The following SCN10A variants were observed in gnomAD, a reference collection of about 807,000 sequenced individuals.
SCN10A encodes the protein sodium channel protein type 10 subunit alpha.
Under a neutral mutation model 170.7 loss-of-function variants are expected in SCN10A, and 162 were observed. That is an observed-to-expected ratio of 0.95 (90% CI 0.84 to 1.08). SCN10A has a LOEUF of 1.08. SCN10A is among the 50% of genes least tolerant of loss of function. The pLI is 0.00. For synonymous variants in SCN10A, 985 were observed against 904.6 expected (o/e 1.09, Z -1.59); for missense variants, 2,527 against 2,436.9 (o/e 1.04, Z -0.78).
At chr3:38,702,157 A>G in intron 26 of SCN10A, 48 bp from the exon 27 acceptor site, 2 of 1,512,172 alleles carry the variant, frequency 1.3e-6, no homozygotes, top group Non-Finnish European at 1.8e-6. Context: ...GCCAGCACAA[A>G]CCAGGCATCT....
intron 1 of SCN10A, among the ~76,000 whole-genome samples, chr3:38,812,989 T>G (rs1182171570): frequency 6.6e-6 from 1 of 152,088 alleles, no homozygotes; most frequent in Non-Finnish European, 1.5e-5. Flanking sequence ...GCTGAGATTG[T>G]GCCACTGCAC....
intron 10 of SCN10A, 108 bp from the exon 11 acceptor site, chr3:38,756,066 C>A: frequency 8.1e-7 from 1 of 1,237,362 alleles, no homozygotes. Context: ...AACAGAGAAG[C>A]TGAAGGGTTA....
At chr3:38,739,798 T>A in intron 14 of SCN10A, 110 bp from the exon 15 acceptor site, 1 of 896,282 alleles carries the variant, frequency 1.1e-6, no homozygotes, top group South Asian at 1.8e-5. Context: ...TCCTTTTGTT[T>A]TGTTCAGTTG....
In SCN10A at chr3:38,742,293, T is replaced by G; in HGVS notation, c.2104A>C (p.Ile702Leu). 1 of 1,604,246 alleles carries G rather than the reference T, an allele frequency of 6.2e-7. No individual in the cohort carries two copies. The highest frequency in any genetic ancestry group is 8.5e-7 in the Non-Finnish European group (1 of 1,174,364). The change falls in exon 14 of 28, where the codon ATC becomes CTC. Residue 702 changes from isoleucine (I) to leucine (L), a missense_variant and splice_region_variant. Coordinates refer to ENST00000449082, the MANE Select transcript of SCN10A (RefSeq NM_006514.4). Reference protein sequence around the residue: ...TFEAMLQIGNIVFTIFFTAEM... With the variant: ...TFEAMLQIGNLVFTIFFTAEM... ...GCAGTACCAGCCAGAGCACTCACGA[T>G]GTTGCCTATCTGGAGCATGGCTTCG...
Position 38,723,491 on chromosome 3 carries a change from G to T in SCN10A, c.3291C>A (p.Ile1097=). 6.2e-7 allele frequency: 1 copy of T among 1,613,898 alleles called. No individual in the cohort carries two copies. Among genetic ancestry groups the T allele is most frequent in the Non-Finnish European group, 8.5e-7 (1 of 1,179,880 alleles). ...STVDCLDPEE[I]LRKIPELADD... Reference sequence around the variant, plus strand: ...CTGCCAGCTCAGGGATCTTCCTCAGGATTTCCTCAGGATCTAGGCAGTCCA... The same window carrying T: ...CTGCCAGCTCAGGGATCTTCCTCAGTATTTCCTCAGGATCTAGGCAGTCCA... Residue 1097 remains isoleucine, a synonymous_variant, in exon 19 of 28, where the codon ATC becomes ATA. Coordinates refer to ENST00000449082, the MANE Select transcript of SCN10A (RefSeq NM_006514.4).
intron 4 of SCN10A, among the ~76,000 whole-genome samples, chr3:38,777,125 C>T (rs553047061): frequency 1.2e-3 from 186 of 152,078 alleles, no homozygotes; most frequent in African/African-American, 4.3e-3. Flanking sequence ...TGCTCACTGT[C>T]ATAGCTTTGA....
intron 1 of SCN10A, among the ~76,000 whole-genome samples, chr3:38,799,389 C>A (rs2064358659): frequency 6.6e-6 from 1 of 152,158 alleles, no homozygotes; most frequent in Non-Finnish European, 1.5e-5. Flanking sequence ...ATGTGTTCTG[C>A]AGAATTTGTA....
intron 13 of SCN10A, among the ~76,000 whole-genome samples, chr3:38,743,740 T>C (rs1348521953): frequency 2.0e-5 from 3 of 152,204 alleles, no homozygotes; most frequent in African/African-American, 7.2e-5. Context: ...CCCTTTTCCT[T>C]TCCTGCTTGT....
At position 38,771,384 on chromosome 3, in the gene SCN10A, G is replaced by A. The variant is rs1208664844; in HGVS notation, c.494C>T (p.Thr165Ile). 1.2e-6 allele frequency: 2 copies of A among 1,613,980 alleles called. No homozygotes were observed. Among genetic ancestry groups the A allele is most frequent in the Non-Finnish European group, 1.7e-6 (2 of 1,179,984 alleles). Residue 165 changes from threonine to isoleucine, a missense_variant, in exon 5 of 28, where the codon ACC (threonine) becomes ATC (isoleucine). By Grantham distance (89) the Thr-to-Ile change is moderately conservative (BLOSUM62 -1). Coordinates refer to ENST00000449082, the MANE Select transcript of SCN10A (RefSeq NM_006514.4). The stretch of plus-strand genomic sequence containing the variant: ...CAGTATCTTTATCAAGGCTTCAAAG[G>A]TGTAAATGACAGTGAAGACATATCT... ...KIEYVFTVIY[T>I]FEALIKILAR... is the part of the protein sequence containing the mutation.
chr3:38,799,077 C>T (rs1250318227), intron 1 of SCN10A, among the ~76,000 whole-genome samples: 1 of 152,146 alleles, frequency 6.6e-6, no homozygotes. Context: ...CCACTGTGCC[C>T]AGCCCCTTTT....
At chr3:38,737,380 G>A (rs1217813021) in intron 15 of SCN10A, among the ~76,000 whole-genome samples, 2 of 152,016 alleles carry the variant, frequency 1.3e-5, no homozygotes, top group African/African-American at 2.4e-5. Context: ...TTAGCTTAGG[G>A]GCCTACATCT....
At chr3:38,752,604 C>T in intron 11 of SCN10A, 92 bp from the exon 12 acceptor site, 1 of 1,048,212 alleles carries the variant, frequency 9.5e-7, no homozygotes. Flanking sequence ...TCCCATTTCC[C>T]TGCCCCTGTC....
intron 15 of SCN10A, among the ~76,000 whole-genome samples, chr3:38,737,832 C>CTTTCTTTCTTTCTTTT (rs373851282): frequency 2.9e-5 from 2 of 70,150 alleles, no homozygotes; most frequent in Admixed American, 1.6e-4. Flanking sequence ...TTCTTTCTTT[C>CTTTCTTTCTTTCTTTT]TCTTTCTTCT....
chr3:38,722,077 C>A (rs1233141720), intron 20 of SCN10A, among the ~76,000 whole-genome samples, 181 bp downstream of exon 20: 1 of 152,226 alleles, frequency 6.6e-6, no homozygotes, highest in East Asian at 1.9e-4. Flanking sequence ...ACCTTGAACA[C>A]CTCCCATGCT....
intron 8 of SCN10A, among the ~76,000 whole-genome samples, chr3:38,757,514 T>C (rs2063822081): frequency 6.6e-6 from 1 of 151,974 alleles, no homozygotes; most frequent in South Asian, 2.1e-4. Flanking sequence ...ATCTGCAGAG[T>C]TGTCTATCAA....
intron 20 of SCN10A, among the ~76,000 whole-genome samples, chr3:38,719,583 C>T (rs1022242248): frequency 2.6e-5 from 4 of 151,488 alleles, no homozygotes; most frequent in Admixed American, 2.0e-4. Flanking sequence ...TTAGTAGAGA[C>T]GGGGTTTCAC....
At position 38,736,973 on chromosome 3, in the gene SCN10A, T is replaced by G. The variant is rs1407374115; in HGVS notation, c.2280+2542A>C. ...GTAGCAGAAATGTTCGTTTTTTTTT[T>G]TTTTTTTTTTTTTTTGAGACGGAGT... On this transcript the variant is annotated intron_variant, in intron 15 of 27. Transcript: ENST00000449082. Among the ~76,000 whole-genome samples the G allele has an allele frequency of 1.9e-4, 19 of 100,224 alleles. 1 individual carries two copies. Among genetic ancestry groups the G allele is most frequent in the African/African-American group, 4.1e-4 (10 of 24,524 alleles). The allele number at this position is 100,224 out of a possible 152,430, so 65.8% of individuals were successfully genotyped here. A position where few individuals can be genotyped will look rare whatever the true frequency, so the allele number is the denominator to read the frequency against.
At chr3:38,784,432 C>G (rs2064173984) in intron 4 of SCN10A, among the ~76,000 whole-genome samples, 1 of 151,972 alleles carries the variant, frequency 6.6e-6, no homozygotes, top group Admixed American at 6.6e-5. Flanking sequence ...AATTCAACAC[C>G]CATTCATGCT....
At chr3:38,786,213 G>C (rs2064199744) in intron 4 of SCN10A, among the ~76,000 whole-genome samples, 1 of 152,078 alleles carries the variant, frequency 6.6e-6, no homozygotes, top group Admixed American at 6.5e-5. Context: ...CAATAGCAAA[G>C]ACTTGGAACT....
Sources: allele counts gnomAD v4.1 joint callset (sites outside exome capture counted in the v4.1 genomes callset), GRCh38; gene constraint gnomAD v4.1.1; transcripts MANE v1.5; gene names NCBI Gene and HGNC (gene_info 2026-07-23, HGNC 2026-07-21).